Variants in SLC16A7 observed in about 807,000 individuals in gnomAD.
SLC16A7 encodes monocarboxylate transporter 2.
Under a neutral mutation model 34.9 loss-of-function variants are expected in SLC16A7, and 33 were observed. The observed-to-expected ratio is 0.94, with a 90% confidence interval of 0.72 to 1.26. SLC16A7 has a LOEUF of 1.26. Among genes scored for constraint, SLC16A7 ranks in the 50% most tolerant of loss-of-function variants. SLC16A7 has a pLI of 0.00. For missense variants in SLC16A7, 573 were observed against 578.1 expected, an observed-to-expected ratio of 0.99 and a Z score of 0.09; for synonymous variants, 201 against 206.6, an observed-to-expected ratio of 0.97 and a Z score of 0.23.
chr12:59,700,740 T>G (rs1426594024), intron 2 of SLC16A7, among the ~76,000 whole-genome samples: 2 of 151,568 alleles, frequency 1.3e-5, no homozygotes, highest in Non-Finnish European at 3.0e-5. Flanking sequence ...AAGAGTGATG[T>G]GGTCAGAGAG....
chr12:59,613,967 G>A (rs368052599), intron 1 of SLC16A7, among the ~76,000 whole-genome samples: 28 of 151,834 alleles, frequency 1.8e-4, no homozygotes, highest in Admixed American at 3.9e-4. Context: ...AACCCTTACC[G>A]AATGAAACAA....
chr12:59,647,984 G>A (rs1202003555), intron 1 of SLC16A7, among the ~76,000 whole-genome samples: 2 of 152,064 alleles, frequency 1.3e-5, no homozygotes, highest in African/African-American at 2.4e-5. Context: ...ACTTGGCGAG[G>A]TAAAAGCTGC....
At chr12:59,619,142 C>G (rs1879589108) in intron 1 of SLC16A7, among the ~76,000 whole-genome samples, 1 of 152,026 alleles carries the variant, frequency 6.6e-6, no homozygotes, top group Admixed American at 6.6e-5. Flanking sequence ...AACATTTAGC[C>G]TTTACCTAAT....
intron 2 of SLC16A7, among the ~76,000 whole-genome samples, chr12:59,695,487 G>A (rs1481386119): frequency 6.6e-6 from 1 of 151,952 alleles, no homozygotes; most frequent in Non-Finnish European, 1.5e-5. Flanking sequence ...CCACAAGTTA[G>A]ACCTTTAGTT....
chr12:59,681,630 G>A (rs1332207438), intron 2 of SLC16A7, among the ~76,000 whole-genome samples: 1 of 152,170 alleles, frequency 6.6e-6, no homozygotes, highest in Non-Finnish European at 1.5e-5. Context: ...GGAAGAGGAT[G>A]GAAGGAAACG....
chr12:59,751,819 C>A (rs2706280), intron 3 of SLC16A7, among the ~76,000 whole-genome samples: 1 of 152,114 alleles, frequency 6.6e-6, no homozygotes, highest in Admixed American at 6.5e-5. Flanking sequence ...GGGTCCCTGA[C>A]CCCTGACCCC....
intron 2 of SLC16A7, among the ~76,000 whole-genome samples, chr12:59,686,192 T>A (rs1356955061): frequency 6.6e-6 from 1 of 151,476 alleles, no homozygotes; most frequent in Non-Finnish European, 1.5e-5. Context: ...TCCATATGTT[T>A]ATTACTTATT....
intron 3 of SLC16A7, among the ~76,000 whole-genome samples, chr12:59,707,342 T>C (rs765646633): frequency 1.1e-4 from 17 of 152,084 alleles, no homozygotes; most frequent in Admixed American, 2.6e-4. Context: ...CATGTGTTTA[T>C]AGACTTGCCT....
At chr12:59,638,271 G>C (rs746271723) in intron 1 of SLC16A7, among the ~76,000 whole-genome samples, 16 of 152,054 alleles carry the variant, frequency 1.1e-4, no homozygotes, top group Non-Finnish European at 1.9e-4. Flanking sequence ...GATCTTTCTG[G>C]AATGAGAATC....
At chr12:59,605,770 T>C (rs1878908519) in intron 1 of SLC16A7, among the ~76,000 whole-genome samples, 1 of 152,242 alleles carries the variant, frequency 6.6e-6, no homozygotes, top group Admixed American at 6.5e-5. Context: ...TCTTATTCTG[T>C]AGTTATCTCT....
At chr12:59,768,261 AG>A (rs560800375) in intron 3 of SLC16A7, 79 of 452,658 alleles carry the variant, frequency 1.7e-4, no homozygotes, top group Non-Finnish European at 3.3e-4. Context: ...CATTAACAGA[AG>A]TTTGGAAGAA....
intron 2 of SLC16A7, among the ~76,000 whole-genome samples, chr12:59,679,220 C>T (rs183430826): frequency 1.9e-3 from 286 of 152,282 alleles, no homozygotes; most frequent in Middle Eastern, 6.8e-3. Context: ...GGCCGGGTCC[C>T]CAGCCATGGC....
chr12:59,735,784 T>C (rs990464431), intron 3 of SLC16A7: 3 of 181,362 alleles, frequency 1.7e-5, no homozygotes, highest in African/African-American at 7.2e-5. Flanking sequence ...TAATATATAT[T>C]TATCATGAAA....
At chr12:59,666,219 C>T (rs369777481) in intron 2 of SLC16A7, among the ~76,000 whole-genome samples, 13 of 152,072 alleles carry the variant, frequency 8.5e-5, no homozygotes, top group African/African-American at 2.9e-4. Flanking sequence ...AGTCAATATT[C>T]ATGTTGTTTT....
At chr12:59,659,177 T>C (rs1868696154) in intron 2 of SLC16A7, among the ~76,000 whole-genome samples, 1 of 152,056 alleles carries the variant, frequency 6.6e-6, no homozygotes, top group South Asian at 2.1e-4. Flanking sequence ...ATTTTAGCTT[T>C]GACAATTCTG....
Position 59,676,179 on chromosome 12 carries a change from C to T in SLC16A7, c.-31+20929C>T, listed in dbSNP as rs74634745. On this transcript the variant is annotated intron_variant, in intron 2 of 5. Transcript: ENST00000547379. ...GAGTCATTGTACAGATTGATGTTCTCAATGACTAACATTTGACAGAATTTG... is the reference window on the plus strand; with the variant it reads ...GAGTCATTGTACAGATTGATGTTCTTAATGACTAACATTTGACAGAATTTG... Among the ~76,000 whole-genome samples, 506 of 152,158 alleles carry T rather than the reference C, an allele frequency of 3.3e-3. 3 individuals are homozygous for T. The highest frequency in any genetic ancestry group is 0.012 in the African/African-American group (480 of 41,502).
chr12:59,753,255 G>A (rs1216808423), intron 3 of SLC16A7, among the ~76,000 whole-genome samples: 3 of 152,050 alleles, frequency 2.0e-5, no homozygotes, highest in South Asian at 2.1e-4. Context: ...ACACATAACA[G>A]TATTAACTTT....
chr12:59,700,960 C>G (rs1872805965), intron 2 of SLC16A7, among the ~76,000 whole-genome samples: 1 of 151,590 alleles, frequency 6.6e-6, no homozygotes, highest in Admixed American at 6.6e-5. Flanking sequence ...GGTAGGTACT[C>G]CATGCAATTT....
intron 2 of SLC16A7, among the ~76,000 whole-genome samples, chr12:59,690,940 G>T (rs150839838): frequency 7.9e-5 from 12 of 151,778 alleles, no homozygotes; most frequent in African/African-American, 2.9e-4. Flanking sequence ...TAGAAAAAAA[G>T]ATAAGAAAAT....
Sources: allele counts gnomAD v4.1 joint callset (sites outside exome capture counted in the v4.1 genomes callset), GRCh38; gene constraint gnomAD v4.1.1; transcripts MANE v1.5; gene names NCBI Gene and HGNC (gene_info 2026-07-23, HGNC 2026-07-21).